C12orf43: variants seen among roughly 807,000 people sequenced by gnomAD.
C12orf43 encodes the protein chromosome 12 open reading frame 43, also known as protein CUSTOS.
A neutral mutation model predicts 20.6 loss-of-function variants in C12orf43; 15 were observed. The observed-to-expected ratio is 0.73, with a 90% CI of 0.49 to 1.12. C12orf43 has a LOEUF of 1.12. C12orf43 is among the 50% of genes most tolerant of loss of function. The probability of loss-of-function intolerance (pLI) is 0.00; values close to 1 mark genes in which losing one functional copy is unlikely to be tolerated. For missense variants in C12orf43, 334 were observed against 344.4 expected (o/e 0.97, Z 0.24); for synonymous variants, 144 against 130.8 (o/e 1.10, Z -0.69).
At chr12:121,011,399 A>C (rs1878453123) in intron 1 of C12orf43, among the ~76,000 whole-genome samples, 1 of 148,176 alleles carries the variant, frequency 6.7e-6, no homozygotes, top group Non-Finnish European at 1.5e-5. Context: ...TTATATATAT[A>C]TATATCTTAG....
chr12:121,004,460 C>T lies in C12orf43; in HGVS notation c.482G>A (p.Cys161Tyr), dbSNP rs1393975341. The T allele has an allele frequency of 6.2e-7, 1 of 1,608,390 alleles. No homozygotes were observed. Among genetic ancestry groups the T allele is most frequent in the South Asian group, 1.1e-5 (1 of 90,788 alleles). Residue 161 changes from cysteine (C) to tyrosine (Y), a missense_variant, in exon 6 of 6, where the codon TGC becomes TAC. Physicochemically the swap from Cys to Tyr is radical, Grantham distance 194. Transcript: ENST00000288757. This position sits in a 1 kb window ranked among gnomAD's most constrained non-coding sequence, Gnocchi z 5.6. ...GGACGCCGACACAGCTGCCTCCCGG[C>T]ACCGCCGCCACTCCTCGTCACTGTC... ...SEDSDEEWRR[C>Y]REAAVSASDI...
Position 121,016,371 on chromosome 12 carries a change from C to A in C12orf43, c.104G>T (p.Gly35Val). 1 of 1,613,844 alleles carries A rather than the reference C, an allele frequency of 6.2e-7. No homozygotes were observed. The highest frequency in any genetic ancestry group is 8.5e-7 in the Non-Finnish European group (1 of 1,180,036). The change falls in exon 1 of 6, where the codon GGC (glycine) becomes GTC (valine). Residue 35 changes from glycine (G) to valine (V), a missense_variant. Coordinates refer to ENST00000288757, the MANE Select transcript of C12orf43 (RefSeq NM_022895.3). ...TGCCACGTGCGGGCGTTGCTCCAAGCCCCAAGCCGGCATTGCCGCCTCGCG... is the reference window on the plus strand; with the variant it reads ...TGCCACGTGCGGGCGTTGCTCCAAGACCCAAGCCGGCATTGCCGCCTCGCG... ...RCREAAMPAWGLEQRPHVAGK... is the reference protein window; with the variant it reads ...RCREAAMPAWVLEQRPHVAGK...
chr12:121,000,988 G>A lies in C12orf43; in HGVS notation c.*3165C>T. ...AGGTGTGGCCCTGCCTCCCCATCCT[G>A]AGTACCCCTAGGGACAGGCAGGTGG... On this transcript the variant is annotated 3_prime_UTR_variant, in exon 6 of 6. Transcript: ENST00000288757. 1 of 1,595,400 alleles carries A rather than the reference G, an allele frequency of 6.3e-7. No homozygotes were observed. The highest frequency in any genetic ancestry group is 1.7e-4 in the Middle Eastern group (1 of 6,022).
At chr12:121,009,252 C>T (rs1878252706) in intron 3 of C12orf43, among the ~76,000 whole-genome samples, 1 of 152,070 alleles carries the variant, frequency 6.6e-6, no homozygotes, top group Admixed American at 6.6e-5. Flanking sequence ...CGAGACCAGC[C>T]TGGCCAACAT....
At chr12:121,010,286 G>A (rs560890981) in intron 3 of C12orf43, among the ~76,000 whole-genome samples, 75 of 152,340 alleles carry the variant, frequency 4.9e-4, no homozygotes, top group African/African-American at 1.7e-3. Flanking sequence ...CAGCATGGGC[G>A]ACAGAGTGAG....
chr12:121,011,716 G>A (rs1046506629), intron 1 of C12orf43, among the ~76,000 whole-genome samples: 1 of 152,144 alleles, frequency 6.6e-6, no homozygotes, highest in Non-Finnish European at 1.5e-5. Context: ...TAACCACCAC[G>A]CTGTGCTGAA....
At position 121,001,052 on chromosome 12, in the gene C12orf43, T is replaced by TTTGCC; in HGVS notation, c.*3096_*3100dup. On this transcript the variant is annotated 3_prime_UTR_variant, in exon 6 of 6. Coordinates refer to ENST00000288757, the MANE Select transcript of C12orf43 (RefSeq NM_022895.3). ...GCCTGGTGGGTGGCTAGCAGCCTTGTTTGCCTCTGCAGTGTCCTCCAGCAG... is the reference window on the plus strand; with the variant it reads ...GCCTGGTGGGTGGCTAGCAGCCTTGTTTGCCTTGCCTCTGCAGTGTCCTCCAGCAG... The TTTGCC allele has an allele frequency of 6.2e-7, 1 of 1,612,812 alleles. No homozygotes were observed. Among genetic ancestry groups the TTTGCC allele is most frequent in the Non-Finnish European group, 8.5e-7 (1 of 1,179,780 alleles).
Position 121,004,261 on chromosome 12 carries a change from G to A in C12orf43, c.681C>T (p.Asn227=), listed in dbSNP as rs3751152. 38,208 of 1,614,168 alleles carry A rather than the reference G, an allele frequency of 0.024. 1,361 individuals carry two copies. Among genetic ancestry groups the A allele is most frequent in the East Asian group, 0.17 (7,505 of 44,878 alleles). ...TVQKQKSGEL[N]GDQVSLGTKK... is the part of the protein sequence containing the mutation. Reference sequence around the variant, plus strand: ...TGGTCCCAAGCGACACCTGGTCCCCGTTGAGCTCACCTGACTTCTGCTTCT... The same window carrying A: ...TGGTCCCAAGCGACACCTGGTCCCCATTGAGCTCACCTGACTTCTGCTTCT... Residue 227 remains asparagine (N), a synonymous_variant, in exon 6 of 6, where the codon AAC becomes AAT. Transcript: ENST00000288757. The surrounding 1 kb of genome is among the most constrained non-coding windows in gnomAD (Gnocchi z 5.6).
chr12:121,012,899 T>C (rs1266313914), intron 1 of C12orf43, among the ~76,000 whole-genome samples: 2 of 145,610 alleles, frequency 1.4e-5, no homozygotes, highest in Admixed American at 7.2e-5. Flanking sequence ...GATTCACTGA[T>C]GGACTGACTA....
chr12:121,011,440 G>T (rs1438933498), intron 1 of C12orf43, among the ~76,000 whole-genome samples: 1 of 145,072 alleles, frequency 6.9e-6, no homozygotes, highest in Non-Finnish European at 1.5e-5. Context: ...ATATAACTTA[G>T]TTATATATAT....
rs761636358 is a variant in C12orf43 at position 121,016,314 on chromosome 12, A to G, written c.145+16T>C. 1 of 1,613,290 alleles carries G rather than the reference A, an allele frequency of 6.2e-7. No homozygotes were observed. The highest frequency in any genetic ancestry group is 8.5e-7 in the Non-Finnish European group (1 of 1,179,958). On this transcript the variant is annotated intron_variant, in intron 1 of 5. Transcript: ENST00000288757. ...CCCACGCCCCTCAGCCAGTCTCCCC[A>G]AACATAGTACCCTACCGGCTCTTGG... is the stretch of plus-strand genomic sequence containing the variant.
At chr12:121,015,280 G>C (rs868824934) in intron 1 of C12orf43, among the ~76,000 whole-genome samples, 1 of 152,176 alleles carries the variant, frequency 6.6e-6, no homozygotes, top group Non-Finnish European at 1.5e-5. Flanking sequence ...GGCAGACTAT[G>C]GTCTGGAAGC....
At chr12:121,014,845 C>T (rs1868756474) in intron 1 of C12orf43, among the ~76,000 whole-genome samples, 1 of 151,666 alleles carries the variant, frequency 6.6e-6, no homozygotes, top group Admixed American at 6.6e-5. Context: ...TGGGACTATA[C>T]ATCTGTAGTC....
At position 121,001,888 on chromosome 12, in the gene C12orf43, C is replaced by G; in HGVS notation, c.*2265G>C. 1 of 513,168 alleles carries G rather than the reference C, an allele frequency of 1.9e-6. No individual in the cohort carries two copies. The highest frequency in any genetic ancestry group is 1.6e-5 in the South Asian group (1 of 61,640). 31.8% of individuals were successfully genotyped at this position (513,168 alleles called of 1,614,324 possible). ...CGATTCCCTCTCCCAGGCCCCATGA[C>G]CTCCAGCTTTCCTGTATTTGTTCCC... On this transcript the variant is annotated 3_prime_UTR_variant, in exon 6 of 6. Coordinates refer to ENST00000288757, the MANE Select transcript of C12orf43 (RefSeq NM_022895.3).
Position 121,002,384 on chromosome 12 carries a change from T to C in C12orf43, c.*1769A>G, listed in dbSNP as rs578236993. 4 of 518,286 alleles carry C rather than the reference T, an allele frequency of 7.7e-6. No homozygotes were observed. Among genetic ancestry groups the C allele is most frequent in the Admixed American group, 7.3e-5 (3 of 40,856 alleles). The allele number at this position is 518,286 out of a possible 1,614,324, so 32.1% of individuals were successfully genotyped here. Reference sequence around the variant, plus strand: ...GCTGCTGAGAACCTGGCCTTCAGTGTACCGCGTCTACCCTGGGATTCAGGA... The same window carrying C: ...GCTGCTGAGAACCTGGCCTTCAGTGCACCGCGTCTACCCTGGGATTCAGGA... On this transcript the variant is annotated 3_prime_UTR_variant, in exon 6 of 6. Coordinates refer to ENST00000288757, the MANE Select transcript of C12orf43 (RefSeq NM_022895.3).
At position 121,002,596 on chromosome 12, in the gene C12orf43, G is replaced by A; in HGVS notation, c.*1557C>T. ...GCAGGCCAGAGGCCTGCGAAGAGGA[G>A]ACAGGCTCCAGCACCCACGCTCTCA... On this transcript the variant is annotated 3_prime_UTR_variant, in exon 6 of 6. Coordinates refer to ENST00000288757, the MANE Select transcript of C12orf43 (RefSeq NM_022895.3). The A allele has an allele frequency of 2.4e-6, 1 of 412,458 alleles. No homozygotes were observed. Among genetic ancestry groups the A allele is most frequent in the South Asian group, 1.9e-5 (1 of 53,246 alleles). 25.5% of individuals were successfully genotyped at this position (412,458 alleles called of 1,614,324 possible).
At chr12:121,012,372 A>C (rs1474144065) in intron 1 of C12orf43, 5 of 702,128 alleles carry the variant, frequency 7.1e-6, no homozygotes, top group Non-Finnish European at 1.3e-5. Context: ...CAATGGGAGG[A>C]CCTGGACTTT....
Position 121,002,690 on chromosome 12 carries a change from C to A in C12orf43, c.*1463G>T. On this transcript the variant is annotated 3_prime_UTR_variant, in exon 6 of 6. Transcript: ENST00000288757. ...ACAAAGCCAGATTTCATCTTAACCT[C>A]AAGCTTCTACTTTTTAAAAAAATTT... 3.0e-6 allele frequency: 1 copy of A among 327,910 alleles called. No individual in the cohort carries two copies. Among genetic ancestry groups the A allele is most frequent in the Non-Finnish European group, 6.0e-6 (1 of 168,030 alleles). The allele number at this position is 327,910 out of a possible 1,614,324, so 20.3% of individuals were successfully genotyped here. A position where few individuals can be genotyped will look rare whatever the true frequency, so the allele number is the denominator to read the frequency against.
rs912583044 is a variant in C12orf43, at chr12:121,003,256, G to GCCTCAATT, written c.*889_*896dup. On this transcript the variant is annotated 3_prime_UTR_variant, in exon 6 of 6. Transcript: ENST00000288757. ...TGGCCAGGCTGGTCTCAAACTCCTGGCCTCAATTGATCCACCTCCTTGGCC... is the reference window on the plus strand; with the variant it reads ...TGGCCAGGCTGGTCTCAAACTCCTGGCCTCAATTCCTCAATTGATCCACCTCCTTGGCC... 9.9e-5 allele frequency: 15 copies of GCCTCAATT among 152,080 alleles called. No individual in the cohort carries two copies. The highest frequency in any genetic ancestry group is 3.6e-4 in the African/African-American group (15 of 41,488). 9.4% of individuals were successfully genotyped at this position (152,080 alleles called of 1,614,324 possible). A position where few individuals can be genotyped will look rare whatever the true frequency, so the allele number is the denominator to read the frequency against.
Sources: gnomAD v4.1 joint callset for allele counts (sites outside exome capture counted in the v4.1 genomes callset) on GRCh38, gnomAD v4.1.1 for gene constraint, Gnocchi (gnomAD v3.1) non-coding constraint, MANE v1.5 for transcripts, NCBI Gene and HGNC (gene_info 2026-07-23, HGNC 2026-07-21) for gene names.